Variants in KCNH5 observed in about 807,000 individuals in gnomAD.
KCNH5 encodes the protein voltage-gated delayed rectifier potassium channel KCNH5.
In KCNH5, 46 loss-of-function variants were observed where a neutral mutation model predicts 96.1. The observed-to-expected ratio is 0.48, with a 90% CI of 0.38 to 0.61. The LOEUF is 0.61. KCNH5 is among the 20% of genes least tolerant of loss of function. The probability of loss-of-function intolerance (pLI) is 0.00; values close to 1 mark genes in which losing one functional copy is unlikely to be tolerated. For synonymous variants in KCNH5, 439 were observed against 449.8 expected (o/e 0.98, Z 0.30); for missense variants, 907 against 1,225.8 (o/e 0.74, Z 3.88).
intron 1 of KCNH5, among the ~76,000 whole-genome samples, chr14:63,034,080 C>T (rs1279655784): frequency 1.3e-5 from 2 of 151,980 alleles, no homozygotes; most frequent in East Asian, 1.9e-4. Flanking sequence ...CCACCAAACC[C>T]GGCTAATTTT....
intron 1 of KCNH5, among the ~76,000 whole-genome samples, chr14:63,038,802 T>C (rs557424250): frequency 2.0e-4 from 30 of 152,012 alleles, no homozygotes; most frequent in Admixed American, 4.6e-4. Context: ...TTCTATATTA[T>C]ATAAAATAGG....
intron 7 of KCNH5, among the ~76,000 whole-genome samples, chr14:62,856,350 T>G (rs1409455255): frequency 6.6e-6 from 1 of 152,236 alleles, no homozygotes; most frequent in Non-Finnish European, 1.5e-5. Context: ...CAGTACTAAC[T>G]TTTCCTAATT....
chr14:62,949,489 G>A (rs1482183669), intron 7 of KCNH5, among the ~76,000 whole-genome samples: 1 of 152,184 alleles, frequency 6.6e-6, no homozygotes, highest in Non-Finnish European at 1.5e-5. Context: ...CACAGTCTGA[G>A]TGCAGAGCAC....
At chr14:62,951,025 C>A (rs1889995868) in intron 6 of KCNH5, among the ~76,000 whole-genome samples, 1 of 152,074 alleles carries the variant, frequency 6.6e-6, no homozygotes, top group African/African-American at 2.4e-5. Context: ...AAAAAGGAAG[C>A]ACAGTCTTAC....
chr14:62,750,569 C>T (rs1226029410), intron 10 of KCNH5, among the ~76,000 whole-genome samples: 1 of 152,166 alleles, frequency 6.6e-6, no homozygotes, highest in Non-Finnish European at 1.5e-5. Flanking sequence ...TTAGAGTCTC[C>T]TTTTTGACGT....
intron 7 of KCNH5, among the ~76,000 whole-genome samples, chr14:62,949,243 T>C (rs1241536828): frequency 1.3e-5 from 2 of 152,220 alleles, no homozygotes; most frequent in East Asian, 1.9e-4. Context: ...GATGACATGA[T>C]TGTATATCTA....
chr14:63,012,647 C>G (rs1265108646), intron 2 of KCNH5, among the ~76,000 whole-genome samples: 2 of 151,888 alleles, frequency 1.3e-5, no homozygotes, highest in Non-Finnish European at 2.9e-5. Flanking sequence ...AGCAAAGTGT[C>G]AAAGTTAGAT....
chr14:62,912,128 C>G (rs1889171185), intron 7 of KCNH5, among the ~76,000 whole-genome samples: 1 of 151,588 alleles, frequency 6.6e-6, no homozygotes, highest in South Asian at 2.1e-4. Flanking sequence ...TTTACCTAAG[C>G]CTGCCTACCT....
intron 7 of KCNH5, among the ~76,000 whole-genome samples, chr14:62,940,419 C>T (rs1489466927): frequency 6.6e-6 from 1 of 152,174 alleles, no homozygotes; most frequent in Non-Finnish European, 1.5e-5. Flanking sequence ...GCAACAGTCT[C>T]CTAACTGGTT....
intron 1 of KCNH5, among the ~76,000 whole-genome samples, chr14:63,027,411 C>T (rs1055037788): frequency 1.3e-5 from 2 of 149,518 alleles, no homozygotes; most frequent in African/African-American, 4.9e-5. Flanking sequence ...TTAGCCATTC[C>T]ACAATGTAGA....
intron 1 of KCNH5, among the ~76,000 whole-genome samples, chr14:63,036,664 A>G (rs568108661): frequency 6.6e-6 from 1 of 152,286 alleles, no homozygotes; most frequent in South Asian, 2.1e-4. Context: ...ATGGCAGAAG[A>G]CAAACTTTCC....
intron 9 of KCNH5, among the ~76,000 whole-genome samples, chr14:62,790,580 CTT>C (rs199614738): frequency 2.8e-5 from 4 of 141,140 alleles, no homozygotes; most frequent in Admixed American, 1.4e-4. Flanking sequence ...TTCTTTCCTT[CTT>C]TTTTTTTTTT....
chr14:62,984,269 T>C (rs1036681725), intron 5 of KCNH5, among the ~76,000 whole-genome samples: 1 of 152,154 alleles, frequency 6.6e-6, no homozygotes, highest in Admixed American at 6.6e-5. Flanking sequence ...CTGACTGATG[T>C]GGCAGGGCGT....
At chr14:62,947,350 C>A (rs1889908946) in intron 7 of KCNH5, among the ~76,000 whole-genome samples, 1 of 152,046 alleles carries the variant, frequency 6.6e-6, no homozygotes, top group Non-Finnish European at 1.5e-5. Flanking sequence ...ACGTAGGTAT[C>A]CATTTAATTA....
At chr14:62,945,945 G>A (rs1889879188) in intron 7 of KCNH5, among the ~76,000 whole-genome samples, 1 of 152,040 alleles carries the variant, frequency 6.6e-6, no homozygotes, top group Non-Finnish European at 1.5e-5. Context: ...AGATGAGCTA[G>A]GGAATCTGGA....
chr14:62,915,158 T>C (rs1209519460), intron 7 of KCNH5, among the ~76,000 whole-genome samples: 1 of 152,260 alleles, frequency 6.6e-6, no homozygotes, highest in African/African-American at 2.4e-5. Flanking sequence ...GCCAAACTCA[T>C]GTGAGATTCT....
chr14:62,953,619 C>T (rs1319413144), intron 6 of KCNH5, among the ~76,000 whole-genome samples: 1 of 152,182 alleles, frequency 6.6e-6, no homozygotes, highest in Admixed American at 6.5e-5. Context: ...TGGGGCGAAG[C>T]CTCAACTTTT....
intron 7 of KCNH5, among the ~76,000 whole-genome samples, chr14:62,879,117 AAATCATTAGT>A (rs1888441973): frequency 6.6e-6 from 1 of 152,144 alleles, no homozygotes; most frequent in Non-Finnish European, 1.5e-5. Context: ...ACAATTATCA[AAATCATTAGT>A]AATCAGTTTA....
At chr14:62,886,710 T>C (rs1259606508) in intron 7 of KCNH5, among the ~76,000 whole-genome samples, 1 of 152,200 alleles carries the variant, frequency 6.6e-6, no homozygotes, top group South Asian at 2.1e-4. Context: ...GGCATTATTC[T>C]AACATACACA....
Sources: allele counts gnomAD v4.1 joint callset (sites outside exome capture counted in the v4.1 genomes callset), GRCh38; gene constraint gnomAD v4.1.1; transcripts MANE v1.5; gene names NCBI Gene and HGNC (gene_info 2026-07-23, HGNC 2026-07-21).